Variants in ARHGAP10 observed in about 807,000 individuals in gnomAD.
ARHGAP10 encodes Rho GTPase activating protein 10, also known as rho GTPase-activating protein 10.
A neutral mutation model predicts 108.6 loss-of-function variants in ARHGAP10; 87 were observed. The observed-to-expected ratio is 0.80, with a 90% CI of 0.67 to 0.96. ARHGAP10 has a LOEUF of 0.96. ARHGAP10 is among the 40% of genes least tolerant of loss of function. The pLI, the probability that ARHGAP10 is intolerant of heterozygous loss-of-function variation, is 0.00. For synonymous variants in ARHGAP10, 347 were observed against 341.1 expected, an observed-to-expected ratio of 1.02 and a Z score of -0.19; for missense variants, 939 against 954.5, an observed-to-expected ratio of 0.98 and a Z score of 0.21.
intron 19 of ARHGAP10, among the ~76,000 whole-genome samples, chr4:148,032,893 G>GAT (rs1578809427): frequency 6.6e-6 from 1 of 152,292 alleles, no homozygotes; most frequent in South Asian, 2.1e-4. Context: ...GGCTGTGGAA[G>GAT]ATTCAGCAAG....
chr4:147,831,018 T>C (rs973244280), intron 3 of ARHGAP10, among the ~76,000 whole-genome samples: 1 of 152,232 alleles, frequency 6.6e-6, no homozygotes, highest in African/African-American at 2.4e-5. Flanking sequence ...TTTAGGAACG[T>C]GCAAGAAATG....
chr4:147,850,255 A>C (rs1352283343), intron 4 of ARHGAP10, among the ~76,000 whole-genome samples: 1 of 152,232 alleles, frequency 6.6e-6, no homozygotes, highest in Non-Finnish European at 1.5e-5. Flanking sequence ...CTGTAAAATG[A>C]ACCAATCAGC....
intron 19 of ARHGAP10, among the ~76,000 whole-genome samples, chr4:148,035,348 A>T (rs541858561): frequency 6.6e-6 from 1 of 152,194 alleles, no homozygotes; most frequent in Admixed American, 6.5e-5. Flanking sequence ...TTTATAGTTC[A>T]GGAGTTGCCT....
At chr4:147,992,833 G>A (rs1740332220) in intron 18 of ARHGAP10, among the ~76,000 whole-genome samples, 1 of 152,200 alleles carries the variant, frequency 6.6e-6, no homozygotes, top group Non-Finnish European at 1.5e-5. Flanking sequence ...GTATGAGCTT[G>A]TACCACGGGA....
At chr4:147,900,411 G>C (rs1736191206) in intron 10 of ARHGAP10, among the ~76,000 whole-genome samples, 1 of 152,152 alleles carries the variant, frequency 6.6e-6, no homozygotes, top group South Asian at 2.1e-4. Flanking sequence ...ATAATAATTA[G>C]GGTTTTAGAT....
chr4:147,986,010 C>T lies in ARHGAP10; in HGVS notation c.1716+19171C>T, dbSNP rs147787565. 4.9e-3 allele frequency among the ~76,000 whole-genome samples: 749 copies of T among 152,266 alleles called. 6 individuals carry two copies. Among genetic ancestry groups the T allele is most frequent in the African/African-American group, 0.017 (711 of 41,540 alleles). On this transcript the variant is annotated intron_variant, in intron 18 of 22. Transcript: ENST00000336498. ...GTCCTTTGCTGTTGAAGTGGATTTC[C>T]GTTTTCCTGTTTGAATTAAAGCTCA...
At chr4:147,997,599 G>A (rs887111656) in intron 18 of ARHGAP10, among the ~76,000 whole-genome samples, 4 of 152,128 alleles carry the variant, frequency 2.6e-5, no homozygotes, top group African/African-American at 9.7e-5. Flanking sequence ...CCCATCAGAA[G>A]GCATCAACAC....
chr4:147,757,507 G>T (rs761306789), intron 1 of ARHGAP10, among the ~76,000 whole-genome samples: 1 of 152,138 alleles, frequency 6.6e-6, no homozygotes, highest in African/African-American at 2.4e-5. Flanking sequence ...GGGCAGTGTA[G>T]CTTTGAGAGA....
intron 5 of ARHGAP10, among the ~76,000 whole-genome samples, chr4:147,859,609 C>T (rs1190335785): frequency 6.6e-6 from 1 of 152,200 alleles, no homozygotes; most frequent in East Asian, 1.9e-4. Flanking sequence ...GTTTGACAAA[C>T]TGTGCATTTG....
intron 3 of ARHGAP10, among the ~76,000 whole-genome samples, chr4:147,828,877 A>G (rs1732828131): frequency 1.2e-5 from 1 of 84,598 alleles, no homozygotes; most frequent in Admixed American, 1.7e-4. Flanking sequence ...AAAAGTCAAG[A>G]TAGTTTTTTT....
chr4:148,033,147 T>C (rs1393339799), intron 19 of ARHGAP10, among the ~76,000 whole-genome samples: 1 of 152,236 alleles, frequency 6.6e-6, no homozygotes, highest in Non-Finnish European at 1.5e-5. Context: ...TCAAATTTTA[T>C]AGTATATCTT....
Position 147,786,664 on chromosome 4 carries a change from GCATATGGGATGGCATA to G in ARHGAP10, c.155-36046_155-36031del, listed in dbSNP as rs567567464. ...CATTGGTAAATATTATGCAGGTCGT[GCATATGGGATGGCATA>G]CATATGGGATGGCATAGATTAGTTT... On this transcript the variant is annotated intron_variant, in intron 1 of 22. Transcript: ENST00000336498. 8.5e-5 allele frequency among the ~76,000 whole-genome samples: 13 copies of G among 152,318 alleles called. No homozygotes were observed. The South Asian group carries it at 1.0e-3, about 12-fold the overall frequency.
At chr4:147,788,996 T>C (rs1453096623) in intron 1 of ARHGAP10, among the ~76,000 whole-genome samples, 3 of 152,228 alleles carry the variant, frequency 2.0e-5, no homozygotes, top group Non-Finnish European at 4.4e-5. Flanking sequence ...CAGCAGCAGC[T>C]CTCTTCAGCT....
At chr4:147,962,892 C>T (rs894397732) in intron 16 of ARHGAP10, among the ~76,000 whole-genome samples, 3 of 152,140 alleles carry the variant, frequency 2.0e-5, no homozygotes, top group African/African-American at 7.2e-5. Flanking sequence ...AACTCCTGAC[C>T]TCAAGGGATC....
At chr4:147,765,792 CCT>C (rs1729781988) in intron 1 of ARHGAP10, among the ~76,000 whole-genome samples, 1 of 150,660 alleles carries the variant, frequency 6.6e-6, no homozygotes, top group African/African-American at 2.4e-5. Context: ...ACGATGAGAC[CCT>C]GTCTCGATAA....
intron 1 of ARHGAP10, among the ~76,000 whole-genome samples, chr4:147,753,081 G>A (rs1455611554): frequency 1.3e-5 from 2 of 152,174 alleles, no homozygotes; most frequent in East Asian, 3.8e-4. Context: ...TAGTATCAGT[G>A]AAGACACTGT....
intron 6 of ARHGAP10, 152 bp downstream of exon 6, chr4:147,865,108 G>T: frequency 1.6e-6 from 1 of 644,048 alleles, no homozygotes; most frequent in South Asian, 2.0e-5. Context: ...AGATAGCCAT[G>T]AAGTCAAGGA....
chr4:148,019,594 A>G (rs1741485577), intron 18 of ARHGAP10, among the ~76,000 whole-genome samples: 1 of 152,024 alleles, frequency 6.6e-6, no homozygotes, highest in South Asian at 2.1e-4. Context: ...TACTAAAAAT[A>G]CAAAAATTAA....
chr4:147,912,702 G>A (rs1177246233), intron 12 of ARHGAP10, among the ~76,000 whole-genome samples: 1 of 111,822 alleles, frequency 8.9e-6, no homozygotes, highest in Non-Finnish European at 1.6e-5. Flanking sequence ...GTCACCCAGT[G>A]CAGTGGTATG....
Sources: gnomAD v4.1 joint callset for allele counts (sites outside exome capture counted in the v4.1 genomes callset) on GRCh38, gnomAD v4.1.1 for gene constraint, MANE v1.5 for transcripts, NCBI Gene and HGNC (gene_info 2026-07-23, HGNC 2026-07-21) for gene names.